The following SORD variants were observed in gnomAD, a reference collection of about 807,000 sequenced individuals.
SORD encodes (R,R)-butanediol dehydrogenase.
Under a neutral mutation model 35.6 loss-of-function variants are expected in SORD, and 18 were observed. The observed-to-expected ratio is 0.51, with a 90% CI of 0.35 to 0.75. SORD has a LOEUF of 0.75. SORD is among the 30% of genes least tolerant of loss of function. The pLI is 0.01. For missense variants in SORD, 250 were observed against 390.2 expected (o/e 0.64, Z 3.03); for synonymous variants, 106 against 152.9 (o/e 0.69, Z 2.26).
chr15:45,061,499 A>G (rs1893306551), intron 4 of SORD, among the ~76,000 whole-genome samples: 1 of 152,138 alleles, frequency 6.6e-6, no homozygotes, highest in Non-Finnish European at 1.5e-5. Flanking sequence ...CACCCTCTGC[A>G]GACATCCTGG....
intron 1 of SORD, among the ~76,000 whole-genome samples, chr15:45,034,933 C>T (rs1205360557): frequency 1.3e-5 from 2 of 152,218 alleles, no homozygotes; most frequent in Admixed American, 6.5e-5. Context: ...TCAGAGCAGC[C>T]GGCCGGCCCT....
At chr15:45,024,371 C>T (rs956298629) in intron 1 of SORD, among the ~76,000 whole-genome samples, 6 of 152,230 alleles carry the variant, frequency 3.9e-5, no homozygotes, top group African/African-American at 1.4e-4. Flanking sequence ...TGCAAATAGA[C>T]TGAGTTTGGC....
At chr15:45,044,890 G>A (rs1334146733) in intron 3 of SORD, among the ~76,000 whole-genome samples, 1 of 151,900 alleles carries the variant, frequency 6.6e-6, no homozygotes, top group Non-Finnish European at 1.5e-5. Flanking sequence ...TAGAGGCTGG[G>A]CTTCACCGTG....
At chr15:45,065,532 A>C (rs1430131719) in intron 5 of SORD, 143 bp downstream of exon 5, 1 of 1,357,246 alleles carries the variant, frequency 7.4e-7, no homozygotes, top group East Asian at 2.4e-5. Context: ...CCATTCCCTC[A>C]GTGACTAGCA....
intron 5 of SORD, among the ~76,000 whole-genome samples, chr15:45,067,671 G>A (rs995877243): frequency 6.6e-6 from 1 of 152,084 alleles, no homozygotes; most frequent in African/African-American, 2.4e-5. Flanking sequence ...AGTATCCTGG[G>A]GCTATCTGGG....
At chr15:45,054,909 T>A (rs1269465048) in intron 3 of SORD, among the ~76,000 whole-genome samples, 1 of 152,170 alleles carries the variant, frequency 6.6e-6, no homozygotes, top group Non-Finnish European at 1.5e-5. Flanking sequence ...GGGAATCCTT[T>A]CCCCATTGTT....
Position 45,074,058 on chromosome 15 carries a change from A to G in SORD, c.*528A>G, listed in dbSNP as rs1893556448. The G allele has an allele frequency of 8.0e-6, 1 of 124,840 alleles. No homozygotes were observed. The highest frequency in any genetic ancestry group is 3.5e-5 in the African/African-American group (1 of 28,528). 7.7% of individuals were successfully genotyped at this position (124,840 alleles called of 1,614,324 possible). On this transcript the variant is annotated 3_prime_UTR_variant, in exon 9 of 9. Transcript: ENST00000267814. ...TGTTTGTTTTGATGATAAAAGGAGA[A>G]TAAGAAAAGGCATCACTTTCCTGGA...
At chr15:45,053,433 G>A (rs540540365) in intron 3 of SORD, among the ~76,000 whole-genome samples, 7 of 152,284 alleles carry the variant, frequency 4.6e-5, no homozygotes, top group Admixed American at 1.3e-4. Flanking sequence ...ACAACTTGAC[G>A]TTGTGGACAT....
intron 1 of SORD, among the ~76,000 whole-genome samples, chr15:45,035,903 G>A (rs980928761): frequency 1.9e-4 from 29 of 151,278 alleles, no homozygotes; most frequent in African/African-American, 6.6e-4. Context: ...AAGAAACTCC[G>A]AACACATCTG....
chr15:45,064,185 G>A (rs756547156), intron 4 of SORD, among the ~76,000 whole-genome samples: 151 of 145,778 alleles, frequency 1.0e-3, no homozygotes, highest in African/African-American at 2.8e-3. Context: ...AGCAGAAATT[G>A]GATATTAATA....
At chr15:45,070,567 T>C (rs1251262514) in intron 7 of SORD, 4 of 152,216 alleles carry the variant, frequency 2.6e-5, no homozygotes, top group Admixed American at 2.0e-4. Context: ...TTCACTGTCA[T>C]AGGCAGTGGT....
In SORD at chr15:45,072,801, T is replaced by G. The variant is rs1396784410; in HGVS notation, c.908+363T>G. ...GAGAAAGGAGGACAAAAGGAAGAAA[T>G]CAAGTCCTGTGGCTTCCGTTCCTTA... is the stretch of plus-strand genomic sequence containing the variant. On this transcript the variant is annotated intron_variant, in intron 8 of 8. Transcript: ENST00000267814. Among the ~76,000 whole-genome samples the G allele has an allele frequency of 9.3e-4, 131 of 141,436 alleles. 4 individuals are homozygous for G. The highest frequency in any genetic ancestry group is 1.7e-3 in the Non-Finnish European group (112 of 67,230). The allele number at this position is 141,436 out of a possible 152,430, so 92.8% of individuals were successfully genotyped here.
chr15:45,036,629 G>C (rs1228716837), intron 1 of SORD, among the ~76,000 whole-genome samples: 1 of 152,226 alleles, frequency 6.6e-6, no homozygotes, highest in African/African-American at 2.4e-5. Context: ...TTGAGTTCAG[G>C]AGGTTGAGGC....
intron 3 of SORD, among the ~76,000 whole-genome samples, chr15:45,056,311 TG>T (rs1893214519): frequency 6.6e-6 from 1 of 152,010 alleles, no homozygotes; most frequent in African/African-American, 2.4e-5. Context: ...ACAAAATCAA[TG>T]TACAAAAATC....
intron 1 of SORD, among the ~76,000 whole-genome samples, chr15:45,035,712 C>T (rs1254628362): frequency 6.6e-6 from 1 of 152,216 alleles, no homozygotes; most frequent in Non-Finnish European, 1.5e-5. Context: ...GTACACACTG[C>T]CTTTATGAGC....
intron 7 of SORD, among the ~76,000 whole-genome samples, chr15:45,069,386 T>C (rs939933262): frequency 6.6e-5 from 10 of 151,882 alleles, no homozygotes; most frequent in African/African-American, 2.4e-4. Context: ...TTTTTGTATT[T>C]TTTTTAGAAG....
At chr15:45,044,898 G>A (rs58232764) in intron 3 of SORD, among the ~76,000 whole-genome samples, 18,596 of 151,714 alleles carry the variant, frequency 0.12, 1,170 homozygotes, top group South Asian at 0.22. Flanking sequence ...GGGCTTCACC[G>A]TGTTGGCCAG....
At chr15:45,031,613 CTTATT>C (rs1415946498) in intron 1 of SORD, among the ~76,000 whole-genome samples, 2 of 152,258 alleles carry the variant, frequency 1.3e-5, no homozygotes, top group Non-Finnish European at 2.9e-5. Context: ...GCTTCACTTT[CTTATT>C]TTATTTTATA....
chr15:45,024,698 A>G (rs1290276508), intron 1 of SORD, among the ~76,000 whole-genome samples: 7 of 152,058 alleles, frequency 4.6e-5, no homozygotes, highest in Non-Finnish European at 4.4e-5. Context: ...AGTGATTTCC[A>G]ACTCAGTACT....
Sources: allele counts gnomAD v4.1 joint callset (sites outside exome capture counted in the v4.1 genomes callset), GRCh38; gene constraint gnomAD v4.1.1; transcripts MANE v1.5; gene names NCBI Gene and HGNC (gene_info 2026-07-23, HGNC 2026-07-21).